The following MEI1 variants were observed in gnomAD, a reference collection of about 807,000 sequenced individuals.
MEI1 encodes the protein meiotic double-stranded break formation protein 1.
Under a neutral mutation model 146.2 loss-of-function variants are expected in MEI1, and 103 were observed. The observed-to-expected ratio is 0.70, with a 90% CI of 0.60 to 0.83. The LOEUF (loss-of-function observed/expected upper bound fraction) is 0.83, where lower values mean the gene tolerates loss of function less well. Ranked by LOEUF, MEI1 falls within the 40% of genes least tolerant of loss-of-function variation. The pLI, the probability that MEI1 is intolerant of heterozygous loss-of-function variation, is 0.00. For missense variants in MEI1, 1,529 were observed against 1,533.0 expected (o/e 1.00, Z 0.04); for synonymous variants, 652 against 628.2 (o/e 1.04, Z -0.57).
At chr22:41,700,302 G>C (rs1373143966) in intron 1 of MEI1, among the ~76,000 whole-genome samples, 1 of 152,210 alleles carries the variant, frequency 6.6e-6, no homozygotes, top group East Asian at 1.9e-4. Context: ...GGCTGCCTGG[G>C]TCCTCATTGC....
At chr22:41,751,012 TGAGATCTGTAGG>T (rs2073714075) in intron 15 of MEI1, among the ~76,000 whole-genome samples, 1 of 151,892 alleles carries the variant, frequency 6.6e-6, no homozygotes. Context: ...AAAAAGGCTG[TGAGATCTGTAGG>T]GAGATCTGTG....
chr22:41,778,649 C>G, intron 21 of MEI1, 59 bp from the exon 22 acceptor site: 1 of 1,371,044 alleles, frequency 7.3e-7, no homozygotes, highest in Non-Finnish European at 1.0e-6. Flanking sequence ...GGCAGGGTGT[C>G]TGACCTTCAG....
At position 41,754,122 on chromosome 22, in the gene MEI1, A is replaced by G. The variant is rs76559032; in HGVS notation, c.1951+76A>G. On this transcript the variant is annotated intron_variant, in intron 17 of 30. Coordinates refer to ENST00000401548, the MANE Select transcript of MEI1 (RefSeq NM_152513.4). The stretch of plus-strand genomic sequence containing the variant: ...TCTGGGTGCCTTGCTGATTGACTAG[A>G]TAGTGAGTTAGTACAGCCACGAGAT... 1.0e-3 allele frequency: 1,114 copies of G among 1,066,474 alleles called. 3 individuals are homozygous for G. In the African/African-American group the frequency reaches 0.016, roughly 15 times the overall value. The allele number at this position is 1,066,474 out of a possible 1,614,324, so 66.1% of individuals were successfully genotyped here.
intron 16 of MEI1, chr22:41,753,640 A>G (rs766109286): frequency 1.0e-5 from 2 of 195,720 alleles, no homozygotes; most frequent in Non-Finnish European, 2.1e-5. Context: ...CCACCACGCC[A>G]GGCTAATTTT....
intron 11 of MEI1, among the ~76,000 whole-genome samples, chr22:41,737,826 T>G (rs768858556): frequency 6.6e-6 from 1 of 152,170 alleles, no homozygotes; most frequent in South Asian, 2.1e-4. Context: ...AATATGCGAA[T>G]GTAGGATGTT....
intron 11 of MEI1, among the ~76,000 whole-genome samples, chr22:41,741,594 C>G (rs2072872129): frequency 6.6e-6 from 1 of 152,220 alleles, no homozygotes; most frequent in South Asian, 2.1e-4. Context: ...AAGTACTTTT[C>G]CAGTCTCTGC....
At position 41,781,845 on chromosome 22, in the gene MEI1, G is replaced by C. The variant is rs2075770122; in HGVS notation, c.3087G>C (p.Gln1029His). Residue 1029 changes from glutamine to histidine, a missense_variant and splice_region_variant, in exon 24 of 31, where the codon CAG (glutamine) becomes CAC (histidine). By Grantham distance (24) the Gln-to-His change is conservative (BLOSUM62 0). Coordinates refer to ENST00000401548, the MANE Select transcript of MEI1 (RefSeq NM_152513.4). ...CCCAGCAGCACAAGGGCAGTTTGCA[G>C]GTTAGTCTTTAACTCCTGTGGCTTT... ...FSAQQHKGSL[Q>H]VHQTLSVEMD... The C allele has an allele frequency of 6.2e-7, 1 of 1,613,824 alleles. No individual in the cohort carries two copies. The highest frequency in any genetic ancestry group is 8.5e-7 in the Non-Finnish European group (1 of 1,179,876).
At chr22:41,793,032 CTTTTTTTTTTTTTTT>C (rs869223251) in intron 26 of MEI1, among the ~76,000 whole-genome samples, 16 of 48,452 alleles carry the variant, frequency 3.3e-4, no homozygotes, top group Admixed American at 7.3e-4. Context: ...ACAAAGCATT[CTTTTTTTTTTTTTTT>C]TTTTTTTTTT....
chr22:41,734,343 A>C (rs1035458599), intron 11 of MEI1, among the ~76,000 whole-genome samples: 2 of 152,118 alleles, frequency 1.3e-5, no homozygotes, highest in African/African-American at 2.4e-5. Flanking sequence ...CTATAATCCC[A>C]GCACTTTGGG....
In MEI1 at chr22:41,770,948, T is replaced by G; in HGVS notation, c.2531T>G (p.Leu844Arg). Residue 844 changes from leucine to arginine, a missense_variant, in exon 20 of 31, where the codon CTG becomes CGG. Transcript: ENST00000401548. The stretch of plus-strand genomic sequence containing the variant: ...TTGCTCAGAAGCATCCCCAGCATCC[T>G]GCTCATCTTGCTGGTAGGCAACCAC... ...FQLLRSIPSI[L>R]LILLDLIYSS... The G allele has an allele frequency of 6.2e-7, 1 of 1,612,942 alleles. No individual in the cohort carries two copies. The highest frequency in any genetic ancestry group is 8.5e-7 in the Non-Finnish European group (1 of 1,179,246).
chr22:41,709,236 C>T (rs1328902710), intron 3 of MEI1: 36 of 879,416 alleles, frequency 4.1e-5, no homozygotes, highest in African/African-American at 8.2e-5. Context: ...GCATCTCCAG[C>T]ACCTTCAGCT....
intron 6 of MEI1, 88 bp downstream of exon 6, chr22:41,718,362 G>C: frequency 7.6e-7 from 1 of 1,311,548 alleles, no homozygotes; most frequent in African/African-American, 1.5e-5. Flanking sequence ...TAGTAGTGGG[G>C]AAGTTTGCTG....
intron 19 of MEI1, among the ~76,000 whole-genome samples, chr22:41,765,777 GTT>G: frequency 6.7e-6 from 1 of 148,650 alleles, no homozygotes; most frequent in African/African-American, 2.5e-5. Context: ...GACTTTCTCT[GTT>G]ACATAATCAG....
intron 18 of MEI1, among the ~76,000 whole-genome samples, chr22:41,761,537 A>G (rs1449332529): frequency 6.6e-6 from 1 of 151,948 alleles, no homozygotes; most frequent in African/African-American, 2.4e-5. Context: ...GATGGTCTGG[A>G]TCTCCTGACC....
intron 3 of MEI1, among the ~76,000 whole-genome samples, chr22:41,712,018 A>G (rs1490692212): frequency 1.3e-5 from 2 of 151,356 alleles, no homozygotes; most frequent in African/African-American, 2.4e-5. Context: ...CCTGGCCAAC[A>G]TGTAGAAGCC....
intron 19 of MEI1, among the ~76,000 whole-genome samples, chr22:41,765,113 T>C (rs898018595): frequency 2.5e-4 from 38 of 152,326 alleles, no homozygotes; most frequent in African/African-American, 8.2e-4. Context: ...CAAGCAATTC[T>C]CCTGCCTCAG....
intron 11 of MEI1, 105 bp downstream of exon 11, chr22:41,732,708 C>A: frequency 8.0e-7 from 1 of 1,252,508 alleles, no homozygotes; most frequent in Non-Finnish European, 1.1e-6. Flanking sequence ...CTTATAATAC[C>A]TAATATAGTT....
rs1261939349 is a variant in MEI1 at position 41,703,334 on chromosome 22, G to A, written c.178G>A (p.Val60Met). ...ELLPDPGVSLVRKKHMLSCFQ... is the reference protein window; with the variant it reads ...ELLPDPGVSLMRKKHMLSCFQ... ...GTTTTTCTTCATTTGCTTCAAGTTA[G>A]TGCGCAAGAAGCACATGTTGTCCTG... Residue 60 changes from valine (V) to methionine (M), a missense_variant, in exon 2 of 31, where the codon GTG becomes ATG. Physicochemically the swap from Val to Met is conservative, Grantham distance 21. This residue lies in a region of MEI1 where 1,212 missense variants were observed against 1,178.9 expected (regional missense o/e 1.03). Coordinates refer to ENST00000401548, the MANE Select transcript of MEI1 (RefSeq NM_152513.4). The A allele has an allele frequency of 1.9e-6, 3 of 1,612,364 alleles. No homozygotes were observed. The highest frequency in any genetic ancestry group is 2.5e-6 in the Non-Finnish European group (3 of 1,179,224).
At chr22:41,729,625 G>A (rs370424156) in intron 7 of MEI1, 40 bp from the exon 8 acceptor site, 8 of 1,346,658 alleles carry the variant, frequency 5.9e-6, no homozygotes, top group South Asian at 2.5e-5. Flanking sequence ...GGTCCTATTC[G>A]TGGTGTGACT....
Sources: allele counts gnomAD v4.1 joint callset (sites outside exome capture counted in the v4.1 genomes callset), GRCh38; gene constraint gnomAD v4.1.1; regional missense constraint gnomAD v4.1.1; transcripts MANE v1.5; gene names NCBI Gene and HGNC (gene_info 2026-07-23, HGNC 2026-07-21).